The following FOXJ3 variants were observed in gnomAD, a reference collection of about 807,000 sequenced individuals.
The protein encoded by FOXJ3 is forkhead box protein J3.
FOXJ3 carries 22 observed loss-of-function variants against 76.1 expected under a neutral mutation model. That is an observed-to-expected ratio of 0.29 (90% CI 0.21 to 0.41). FOXJ3 has a LOEUF of 0.41. FOXJ3 is among the 10% of genes least tolerant of loss of function. FOXJ3 has a pLI of 1.00. For synonymous variants in FOXJ3, 269 were observed against 261.2 expected (o/e 1.03, Z -0.29); for missense variants, 613 against 762.1 (o/e 0.80, Z 2.30).
At chr1:42,258,401 T>C (rs975590386) in intron 4 of FOXJ3, among the ~76,000 whole-genome samples, 6 of 152,154 alleles carry the variant, frequency 3.9e-5, no homozygotes, top group African/African-American at 1.4e-4. Flanking sequence ...TCCCCAAACA[T>C]AGTTAAGAAT....
chr1:42,224,758 G>A (rs970776086), intron 5 of FOXJ3, among the ~76,000 whole-genome samples: 5 of 152,118 alleles, frequency 3.3e-5, no homozygotes, highest in Non-Finnish European at 5.9e-5. Flanking sequence ...GCTCTTGCTT[G>A]CATTTTTTAA....
At chr1:42,278,097 A>G (rs1652427011) in intron 3 of FOXJ3, among the ~76,000 whole-genome samples, 1 of 152,036 alleles carries the variant, frequency 6.6e-6, no homozygotes, top group African/African-American at 2.4e-5. Flanking sequence ...TATGGTTTCC[A>G]GTGAACGCTA....
At chr1:42,317,306 C>T (rs1365639714) in intron 1 of FOXJ3, among the ~76,000 whole-genome samples, 1 of 151,796 alleles carries the variant, frequency 6.6e-6, no homozygotes, top group Non-Finnish European at 1.5e-5. Context: ...AAGAACTGTG[C>T]CAGAGGAAAG....
rs759348287 is a variant in FOXJ3 at position 42,266,747 on chromosome 1, A to G, written c.370-1558T>C. Reference sequence around the variant, plus strand: ...AAGAAAGTGATTGACAGTGACAGGCAGTGAGGAGACAAAGCCCACCAACCT... The same window carrying G: ...AAGAAAGTGATTGACAGTGACAGGCGGTGAGGAGACAAAGCCCACCAACCT... On this transcript the variant is annotated intron_variant, in intron 3 of 12. Coordinates refer to ENST00000361346, the MANE Select transcript of FOXJ3 (RefSeq NM_014947.5). 3.4e-4 allele frequency among the ~76,000 whole-genome samples: 52 copies of G among 152,190 alleles called. 1 individual carries two copies. The highest frequency in any genetic ancestry group is 3.3e-4 in the Admixed American group (5 of 15,266).
intron 6 of FOXJ3, among the ~76,000 whole-genome samples, chr1:42,201,131 T>G (rs1262220385): frequency 6.6e-6 from 1 of 151,980 alleles, no homozygotes; most frequent in Non-Finnish European, 1.5e-5. Context: ...TTCACTAAAT[T>G]CACTTATTAA....
At chr1:42,325,065 T>C (rs1161100689) in intron 1 of FOXJ3, among the ~76,000 whole-genome samples, 1 of 152,196 alleles carries the variant, frequency 6.6e-6, no homozygotes, top group African/African-American at 2.4e-5. Flanking sequence ...CACATGACTG[T>C]ATAATGGCTA....
intron 2 of FOXJ3, among the ~76,000 whole-genome samples, chr1:42,303,083 TAAG>T (rs1274861671): frequency 1.3e-5 from 2 of 152,172 alleles, no homozygotes; most frequent in Non-Finnish European, 2.9e-5. Context: ...TACCCTCAAT[TAAG>T]AAGAATATTG....
chr1:42,246,773 AAGATAT>A (rs1445988778), intron 4 of FOXJ3, among the ~76,000 whole-genome samples: 1 of 152,216 alleles, frequency 6.6e-6, no homozygotes, highest in Non-Finnish European at 1.5e-5. Context: ...CACAAAAGCA[AAGATAT>A]AGAATCAAAC....
chr1:42,231,393 C>T (rs1032692530), intron 4 of FOXJ3, among the ~76,000 whole-genome samples: 1 of 151,880 alleles, frequency 6.6e-6, no homozygotes, highest in African/African-American at 2.4e-5. Flanking sequence ...CACAGAAGGA[C>T]AAATATTGTA....
Position 42,316,333 on chromosome 1 carries a change from C to CTTTTTTTTTTTTTTTT in FOXJ3, c.-17-5239_-17-5224dup, listed in dbSNP as rs71065173. Reference sequence around the variant, plus strand: ...ACAGGTGCACACCACTGCATTGGGCCTTTTTTTTTTTTTTTTCTGTAGAAA... The same window carrying CTTTTTTTTTTTTTTTT: ...ACAGGTGCACACCACTGCATTGGGCCTTTTTTTTTTTTTTTTTTTTTTTTTTTTTTTTCTGTAGAAA... On this transcript the variant is annotated intron_variant, in intron 1 of 12. Transcript: ENST00000361346. Among the ~76,000 whole-genome samples, 94 of 73,898 alleles carry CTTTTTTTTTTTTTTTT rather than the reference C, an allele frequency of 1.3e-3. 11 individuals carry two copies. Among genetic ancestry groups the CTTTTTTTTTTTTTTTT allele is most frequent in the Non-Finnish European group, 1.7e-3 (62 of 36,632 alleles). 48.5% of individuals were successfully genotyped at this position (73,898 alleles called of 152,430 possible).
chr1:42,190,731 A>G (rs1646523818), intron 9 of FOXJ3, among the ~76,000 whole-genome samples: 1 of 152,224 alleles, frequency 6.6e-6, no homozygotes, highest in South Asian at 2.1e-4. Context: ...GCCATGACTA[A>G]TTTGTTGTTG....
chr1:42,282,564 C>A (rs1169860396), intron 2 of FOXJ3, among the ~76,000 whole-genome samples: 7 of 152,258 alleles, frequency 4.6e-5, no homozygotes, highest in African/African-American at 1.7e-4. Flanking sequence ...CCTCCTCTCC[C>A]CCAACCACTG....
chr1:42,226,355 T>C (rs1647566251), intron 5 of FOXJ3, among the ~76,000 whole-genome samples: 1 of 152,236 alleles, frequency 6.6e-6, no homozygotes, highest in African/African-American at 2.4e-5. Context: ...GTCACGCCTG[T>C]AGTACCAGCA....
At chr1:42,324,415 A>G (rs1198508080) in intron 1 of FOXJ3, among the ~76,000 whole-genome samples, 1 of 148,486 alleles carries the variant, frequency 6.7e-6, no homozygotes, top group Non-Finnish European at 1.5e-5. Flanking sequence ...TATATAACAT[A>G]TAAATCACTG....
At chr1:42,198,263 A>T (rs1646691726) in intron 7 of FOXJ3, among the ~76,000 whole-genome samples, 1 of 152,032 alleles carries the variant, frequency 6.6e-6, no homozygotes, top group East Asian at 1.9e-4. Context: ...TTTTTTACAG[A>T]GCAATAATAA....
At chr1:42,275,887 T>C (rs567702768) in intron 3 of FOXJ3, among the ~76,000 whole-genome samples, 8 of 152,124 alleles carry the variant, frequency 5.3e-5, no homozygotes, top group South Asian at 2.1e-4. Context: ...GTGGCCAAAG[T>C]TGCACAATTT....
intron 4 of FOXJ3, among the ~76,000 whole-genome samples, chr1:42,228,740 T>TC: frequency 6.6e-6 from 1 of 152,268 alleles, no homozygotes; most frequent in Middle Eastern, 3.4e-3. Context: ...TAGCTCTTTT[T>TC]CCCTCAATTA....
chr1:42,213,678 A>G (rs1557642368), intron 5 of FOXJ3, among the ~76,000 whole-genome samples: 1 of 152,192 alleles, frequency 6.6e-6, no homozygotes, highest in Non-Finnish European at 1.5e-5. Flanking sequence ...TCTAGGGGGT[A>G]TTATGCTAAG....
intron 8 of FOXJ3, 140 bp from the exon 9 acceptor site, chr1:42,191,859 C>T (rs1461408317): frequency 2.5e-6 from 2 of 798,786 alleles, no homozygotes; most frequent in Admixed American, 5.2e-5. Flanking sequence ...ATCCAACATC[C>T]ACTGCACACT....
Sources: gnomAD v4.1 joint callset for allele counts (sites outside exome capture counted in the v4.1 genomes callset) on GRCh38, gnomAD v4.1.1 for gene constraint, MANE v1.5 for transcripts, NCBI Gene and HGNC (gene_info 2026-07-23, HGNC 2026-07-21) for gene names.